PWP1: variants seen among roughly 807,000 people sequenced by gnomAD.
The protein encoded by PWP1 is periodic tryptophan protein 1 homolog.
Under a neutral mutation model 69.9 loss-of-function variants are expected in PWP1, and 47 were observed. The ratio of observed to expected loss-of-function variants is 0.67; its 90% CI spans 0.53 to 0.86. PWP1 has a LOEUF of 0.86. PWP1 is among the 40% of genes least tolerant of loss of function. The probability of loss-of-function intolerance (pLI) is 0.00; values close to 1 mark genes in which losing one functional copy is unlikely to be tolerated. For synonymous variants in PWP1, 222 were observed against 208.2 expected (o/e 1.07, Z -0.57); for missense variants, 551 against 608.8 (o/e 0.91, Z 1.00).
intron 8 of PWP1, among the ~76,000 whole-genome samples, chr12:107,700,784 C>A (rs193111554): frequency 1.3e-5 from 2 of 152,278 alleles, no homozygotes; most frequent in Admixed American, 1.3e-4. Flanking sequence ...TACATTTTCA[C>A]CAACAATGCA....
chr12:107,694,179 T>G (rs1398801327), intron 5 of PWP1, among the ~76,000 whole-genome samples: 3 of 152,218 alleles, frequency 2.0e-5, no homozygotes, highest in Admixed American at 6.5e-5. Context: ...TTGCACAATG[T>G]CTGGCGCACT....
At chr12:107,692,690 T>C in intron 3 of PWP1, 124 bp from the exon 4 acceptor site, 1 of 813,030 alleles carries the variant, frequency 1.2e-6, no homozygotes, top group Non-Finnish European at 1.9e-6. Context: ...TTCCCAACTC[T>C]AGATGATCCA....
chr12:107,710,561 A>G (rs771848884), intron 14 of PWP1, 51 bp downstream of exon 14: 206 of 1,479,208 alleles, frequency 1.4e-4, no homozygotes, highest in Admixed American at 2.4e-4. Flanking sequence ...GTAAAAAAAA[A>G]AAAAAAAAAA....
intron 10 of PWP1, 86 bp from the exon 11 acceptor site, chr12:107,704,550 G>A: frequency 1.1e-6 from 1 of 882,270 alleles, no homozygotes; most frequent in East Asian, 2.7e-5. Flanking sequence ...TGATTTCACA[G>A]TGCTATTTTA....
chr12:107,689,596 C>A lies in PWP1; in HGVS notation c.319+794C>A, dbSNP rs555491139. 9.9e-5 allele frequency among the ~76,000 whole-genome samples: 15 copies of A among 152,170 alleles called. No homozygotes were observed. The South Asian group carries it at 3.1e-3, about 32-fold the overall frequency. On this transcript the variant is annotated intron_variant, in intron 3 of 14. Coordinates refer to ENST00000412830, the MANE Select transcript of PWP1 (RefSeq NM_007062.3). ...CCCTGTCTCTACTAAAAATACAAAA[C>A]TTAGCCAGGCGTGGTGGCGCACATC...
intron 7 of PWP1, 33 bp downstream of exon 7, chr12:107,697,630 G>A (rs1566079207): frequency 1.3e-6 from 2 of 1,581,564 alleles, no homozygotes; most frequent in Non-Finnish European, 1.7e-6. Context: ...AAACTCTAAT[G>A]ACAGAGGTAA....
intron 1 of PWP1, among the ~76,000 whole-genome samples, chr12:107,688,082 G>C (rs561569476): frequency 4.0e-4 from 58 of 146,278 alleles, no homozygotes; most frequent in Non-Finnish European, 8.2e-4. Flanking sequence ...TCATGTAAGG[G>C]TGATTTGTTA....
At position 107,703,582 on chromosome 12, in the gene PWP1, C is replaced by T. The variant is rs527735903; in HGVS notation, c.904-103C>T. 5.1e-4 allele frequency: 486 copies of T among 946,608 alleles called. 2 individuals are homozygous for T. The Middle Eastern group carries it at 6.2e-3, about 12-fold the overall frequency. The allele number at this position is 946,608 out of a possible 1,614,324, so 58.6% of individuals were successfully genotyped here. ...TTTTGTTTACTGTATTTCAGAGGGA[C>T]GCATTTATAGAAATACTGTCAAATA... On this transcript the variant is annotated intron_variant, in intron 9 of 14. Transcript: ENST00000412830.
chr12:107,708,869 A>T, intron 11 of PWP1, 57 bp from the exon 12 acceptor site: 1 of 1,459,328 alleles, frequency 6.9e-7, no homozygotes, highest in Non-Finnish European at 9.6e-7. Context: ...TAGACTTTTT[A>T]CCCATTGTTA....
rs909230365 is a variant in PWP1 at position 107,712,286 on chromosome 12, C to T, written c.*66C>T. 17 of 1,221,376 alleles carry T rather than the reference C, an allele frequency of 1.4e-5. No individual in the cohort carries two copies. The African/African-American group carries it at 2.2e-4, about 16-fold the overall frequency. 75.7% of individuals were successfully genotyped at this position (1,221,376 alleles called of 1,614,324 possible). A position where few individuals can be genotyped will look rare whatever the true frequency, so the allele number is the denominator to read the frequency against. On this transcript the variant is annotated 3_prime_UTR_variant, in exon 15 of 15. Coordinates refer to ENST00000412830, the MANE Select transcript of PWP1 (RefSeq NM_007062.3). ...TTAAAAAGTTGGCCTAAAAATGTTC[C>T]ATGCGTGGCAGCAACCATGCAGAGT...
intron 1 of PWP1, 167 bp downstream of exon 1, chr12:107,686,138 G>A (rs1369403695): frequency 1.4e-6 from 1 of 714,802 alleles, no homozygotes; most frequent in Non-Finnish European, 2.3e-6. Context: ...AGTTCAGAAG[G>A]TCTGGTTCGC....
In PWP1 at chr12:107,712,371, A is replaced by G. The variant is rs1190640682; in HGVS notation, c.*151A>G. 1 of 583,024 alleles carries G rather than the reference A, an allele frequency of 1.7e-6. No individual in the cohort carries two copies. Among genetic ancestry groups the G allele is most frequent in the Non-Finnish European group, 3.1e-6 (1 of 326,846 alleles). The allele number at this position is 583,024 out of a possible 1,614,324, so 36.1% of individuals were successfully genotyped here. A position where few individuals can be genotyped will look rare whatever the true frequency, so the allele number is the denominator to read the frequency against. On this transcript the variant is annotated 3_prime_UTR_variant, in exon 15 of 15. Transcript: ENST00000412830. Reference sequence around the variant, plus strand: ...TTTCTGCAACTGCGGTGGCACCACAAATATCCGGTCTTTGTGCTTGCTCTT... The same window carrying G: ...TTTCTGCAACTGCGGTGGCACCACAGATATCCGGTCTTTGTGCTTGCTCTT...
In PWP1 at chr12:107,695,099, C is replaced by CA. The variant is rs139780863; in HGVS notation, c.503-1358dup. Among the ~76,000 whole-genome samples the CA allele has an allele frequency of 3.4e-3, 404 of 118,804 alleles. 5 individuals carry two copies. The East Asian group carries it at 0.037, about 11-fold the overall frequency. 77.9% of individuals were successfully genotyped at this position (118,804 alleles called of 152,430 possible). A position where few individuals can be genotyped will look rare whatever the true frequency, so the allele number is the denominator to read the frequency against. On this transcript the variant is annotated intron_variant, in intron 5 of 14. Transcript: ENST00000412830. ...TAAAACCCAGTCTCTACTAAAAATACAAAAAAAAAAAAAAAAATCAGCCAG... is the reference window on the plus strand; with the variant it reads ...TAAAACCCAGTCTCTACTAAAAATACAAAAAAAAAAAAAAAAAATCAGCCAG...
chr12:107,708,318 CCTTT>C (rs1889869941), intron 11 of PWP1, among the ~76,000 whole-genome samples: 1 of 152,184 alleles, frequency 6.6e-6, no homozygotes, highest in African/African-American at 2.4e-5. Context: ...CCTCAGCCGT[CCTTT>C]CTTTATCCTT....
At position 107,697,463 on chromosome 12, in the gene PWP1, A is replaced by G. The variant is rs749330151; in HGVS notation, c.614-4A>G. On this transcript the variant is annotated splice_polypyrimidine_tract_variant and splice_region_variant and intron_variant, in intron 6 of 14. Transcript: ENST00000412830. Reference sequence around the variant, plus strand: ...AATCATACATGCATTGTTTCCTCCCATAGGAAATTACATTGCTGTAGGAAA... The same window carrying G: ...AATCATACATGCATTGTTTCCTCCCGTAGGAAATTACATTGCTGTAGGAAA... The G allele has an allele frequency of 1.5e-5, 23 of 1,573,256 alleles. No individual in the cohort carries two copies. Among genetic ancestry groups the G allele is most frequent in the Non-Finnish European group, 1.8e-5 (21 of 1,165,602 alleles).
chr12:107,712,155 G>C lies in PWP1; in HGVS notation c.1441G>C (p.Ala481Pro). The change falls in exon 15 of 15, where the codon GCA (alanine) becomes CCA (proline). Residue 481 changes from alanine (A) to proline (P), a missense_variant. Physicochemically the swap from Ala to Pro is conservative, Grantham distance 27. Transcript: ENST00000412830. Reference sequence around the variant, plus strand: ...ACGAGAGAGGCTTGTTCTTGGGAGTGCAAGAAATTCATCTATTAGTGGCCC... The same window carrying C: ...ACGAGAGAGGCTTGTTCTTGGGAGTCCAAGAAATTCATCTATTAGTGGCCC... ...GRRERLVLGS[A>P]RNSSISGPFG... 2 of 1,614,034 alleles carry C rather than the reference G, an allele frequency of 1.2e-6. No homozygotes were observed. The highest frequency in any genetic ancestry group is 2.2e-5 in the South Asian group (2 of 91,080).
intron 10 of PWP1, 54 bp downstream of exon 10, chr12:107,703,800 ATT>A: frequency 6.7e-7 from 1 of 1,501,158 alleles, no homozygotes; most frequent in Non-Finnish European, 9.3e-7. Context: ...TCTAGAAGTC[ATT>A]TTAAGAGTAT....
Position 107,704,714 on chromosome 12 carries a change from G to A in PWP1, c.1044G>A (p.Val348=), listed in dbSNP as rs1593148202. 2 of 1,613,860 alleles carry A rather than the reference G, an allele frequency of 1.2e-6. No individual in the cohort carries two copies. Among genetic ancestry groups the A allele is most frequent in the East Asian group, 4.5e-5 (2 of 44,882 alleles). ...MWRFSGQIER[V]TWNHFSPCHF... The stretch of plus-strand genomic sequence containing the variant: ...GATTCAGTGGGCAGATAGAGAGAGT[G>A]ACTTGGAATCACTTTTCACCTTGTC... The change falls in exon 11 of 15, where the codon GTG becomes GTA. Residue 348 remains valine (V), a synonymous_variant. Coordinates refer to ENST00000412830, the MANE Select transcript of PWP1 (RefSeq NM_007062.3).
In PWP1 at chr12:107,712,103, T is replaced by C. The variant is rs367676453; in HGVS notation, c.1397-8T>C. On this transcript the variant is annotated splice_polypyrimidine_tract_variant and splice_region_variant and intron_variant, in intron 14 of 14. Transcript: ENST00000412830. ...TGTTAGTTTCTTACCTGTTTATTTG[T>C]ATTTTAGTAAATGAAGCATTTGGAA... The C allele has an allele frequency of 4.4e-6, 7 of 1,607,918 alleles. No individual in the cohort carries two copies. The African/African-American group carries it at 8.0e-5, about 18-fold the overall frequency.
Sources: allele counts gnomAD v4.1 joint callset (sites outside exome capture counted in the v4.1 genomes callset), GRCh38; gene constraint gnomAD v4.1.1; transcripts MANE v1.5; gene names NCBI Gene and HGNC (gene_info 2026-07-23, HGNC 2026-07-21).